Variants in PRAME observed in about 807,000 individuals in gnomAD.
The protein encoded by PRAME is melanoma antigen preferentially expressed in tumors.
A neutral mutation model predicts 32.1 loss-of-function variants in PRAME; 21 were observed. That is an observed-to-expected ratio of 0.65 (90% CI 0.46 to 0.94). PRAME has a LOEUF of 0.94. Among genes scored for constraint, PRAME ranks in the 40% least tolerant of loss-of-function variants. The probability of loss-of-function intolerance (pLI) is 0.00; values close to 1 mark genes in which losing one functional copy is unlikely to be tolerated. For synonymous variants in PRAME, 274 were observed against 251.5 expected (o/e 1.09, Z -0.85); for missense variants, 651 against 622.3 (o/e 1.05, Z -0.49).
At chr22:22,553,765 C>G in intron 3 of PRAME, 1 of 981,446 alleles carries the variant, frequency 1.0e-6, no homozygotes, top group Non-Finnish European at 1.2e-6. Context: ...AATCTTGGAG[C>G]CAGGAAAGAA....
chr22:22,548,673 G>C (rs1458141542), intron 5 of PRAME, 30 bp from the exon 6 acceptor site: 1 of 1,525,598 alleles, frequency 6.6e-7, no homozygotes, highest in East Asian at 2.3e-5. Flanking sequence ...TTAGTGCTGG[G>C]GAATGGTGGT....
rs200748520 is a variant in PRAME, at chr22:22,550,913, G to A, written c.198C>T (p.Ser66=). 15 of 1,613,876 alleles carry A rather than the reference G, an allele frequency of 9.3e-6. No individual in the cohort carries two copies. The East Asian group carries it at 3.3e-4, about 36-fold the overall frequency. ...LFMAAFDGRH[S]QTLKAMVQAW... is the part of the protein sequence containing the mutation. Reference sequence around the variant, plus strand: ...CCTGCACCATTGCCTTCAGGGTCTGGCTGTGTCTCCCGTCAAAGGCTGCCA... The same window carrying A: ...CCTGCACCATTGCCTTCAGGGTCTGACTGTGTCTCCCGTCAAAGGCTGCCA... The change falls in exon 4 of 6, where the codon AGC becomes AGT. Residue 66 remains serine (S), a synonymous_variant. Transcript: ENST00000405655.
intron 5 of PRAME, among the ~76,000 whole-genome samples, 181 bp from the exon 6 acceptor site, chr22:22,548,824 C>A (rs943237362): frequency 6.6e-6 from 1 of 151,736 alleles, no homozygotes; most frequent in African/African-American, 2.4e-5. Flanking sequence ...CCATCATTTG[C>A]TGTGTAAGTG....
intron 1 of PRAME, 30 bp from the exon 2 acceptor site, chr22:22,557,610 G>C (rs953512932): frequency 3.6e-5 from 5 of 140,334 alleles, no homozygotes; most frequent in African/African-American, 8.3e-5. Context: ...CAATGGCTCA[G>C]CTAAGCGCCC....
Position 22,549,820 on chromosome 22 carries a change from G to T in PRAME, c.859C>A (p.Gln287Lys). 1 of 1,613,806 alleles carries T rather than the reference G, an allele frequency of 6.2e-7. No individual in the cohort carries two copies. Among genetic ancestry groups the T allele is most frequent in the Non-Finnish European group, 8.5e-7 (1 of 1,179,940 alleles). ...AGACTGAGGAACTGAGAGGTGAACTGGGCGATATACTGCTCTTCCTTCTCC... is the reference window on the plus strand; with the variant it reads ...AGACTGAGGAACTGAGAGGTGAACTTGGCGATATACTGCTCTTCCTTCTCC... ...SPEKEEQYIA[Q>K]FTSQFLSLQC... The change falls in exon 5 of 6, where the codon CAG (glutamine) becomes AAG (lysine). Residue 287 changes from glutamine to lysine, a missense_variant. Physicochemically the swap from Gln to Lys is moderately conservative, Grantham distance 53. Coordinates refer to ENST00000405655, the MANE Select transcript of PRAME (RefSeq NM_206956.3).
chr22:22,548,382 G>A lies in PRAME; in HGVS notation c.1215C>T (p.Cys405=), dbSNP rs367764376. Residue 405 remains cysteine, a synonymous_variant, in exon 6 of 6, where the codon TGC becomes TGT. Transcript: ENST00000405655. The part of the protein sequence containing the change: ...LLALLPSLSH[C]SQLTTLSFYG... ...AGAAGCTTAAGGTCGTAAGCTGGGA[G>A]CAGTGGCTCAGGGAAGGCAGGAGGG... 2.0e-5 allele frequency: 32 copies of A among 1,613,390 alleles called. No individual in the cohort carries two copies. In the African/African-American group the frequency reaches 2.0e-4, roughly 10 times the overall value.
intron 3 of PRAME, among the ~76,000 whole-genome samples, chr22:22,554,614 G>A (rs1161841628): frequency 6.6e-6 from 1 of 151,928 alleles, no homozygotes; most frequent in Non-Finnish European, 1.5e-5. Flanking sequence ...CCTTCACAGA[G>A]AATCTAAAGT....
At chr22:22,555,397 C>G (rs199860997) in intron 3 of PRAME, among the ~76,000 whole-genome samples, 1 of 151,852 alleles carries the variant, frequency 6.6e-6, no homozygotes, top group Non-Finnish European at 1.5e-5. Context: ...CCCCCACACA[C>G]GGCTATATTT....
Position 22,549,954 on chromosome 22 carries a change from C to A in PRAME, c.725G>T (p.Cys242Phe), listed in dbSNP as rs2062469573. 1.9e-6 allele frequency: 3 copies of A among 1,613,728 alleles called. No individual in the cohort carries two copies. Among genetic ancestry groups the A allele is most frequent in the African/African-American group, 2.7e-5 (2 of 74,848 alleles). Residue 242 changes from cysteine to phenylalanine, a missense_variant, in exon 5 of 6, where the codon TGT (cysteine) becomes TTT (phenylalanine). Cys to Phe is a radical substitution (Grantham distance 205). Transcript: ENST00000405655. Reference protein sequence around the residue: ...LDSIEDLEVTCTWKLPTLAKF... With the variant: ...LDSIEDLEVTFTWKLPTLAKF... Reference sequence around the variant, plus strand: ...CGCCAAGGTGGGTAGCTTCCAGGTACAAGTCACTTCCAAATCTTCAATAGA... The same window carrying A: ...CGCCAAGGTGGGTAGCTTCCAGGTAAAAGTCACTTCCAAATCTTCAATAGA...
In PRAME at chr22:22,554,498, G is replaced by A. The variant is rs149558261; in HGVS notation, c.21+2314C>T. ...GCAATCATCTTCACTCATCAGCTGCGGGAGACTGAGATTAGTAATAAAGGT... is the reference window on the plus strand; with the variant it reads ...GCAATCATCTTCACTCATCAGCTGCAGGAGACTGAGATTAGTAATAAAGGT... On this transcript the variant is annotated intron_variant, in intron 3 of 5. Transcript: ENST00000405655. Among the ~76,000 whole-genome samples the A allele has an allele frequency of 3.2e-3, 487 of 151,894 alleles. 6 individuals are homozygous for A. Among genetic ancestry groups the A allele is most frequent in the African/African-American group, 0.011 (457 of 41,432 alleles).
At chr22:22,556,935 A>T in intron 2 of PRAME, 26 bp from the exon 3 acceptor site, 1 of 1,411,972 alleles carries the variant, frequency 7.1e-7, no homozygotes, top group Non-Finnish European at 1.0e-6. Context: ...AAAATGCTCC[A>T]AAAAGAAGAA....
chr22:22,548,830 A>G (rs1237197656), intron 5 of PRAME, among the ~76,000 whole-genome samples, 187 bp from the exon 6 acceptor site: 4 of 151,840 alleles, frequency 2.6e-5, no homozygotes, highest in Non-Finnish European at 4.4e-5. Context: ...TTTGCTGTGT[A>G]AGTGGGTCAA....
In PRAME at chr22:22,549,931, C is replaced by G; in HGVS notation, c.748G>C (p.Ala250Pro). The change falls in exon 5 of 6, where the codon GCG becomes CCG. Residue 250 changes from alanine (A) to proline (P), a missense_variant. Physicochemically the swap from Ala to Pro is conservative, Grantham distance 27. Coordinates refer to ENST00000405655, the MANE Select transcript of PRAME (RefSeq NM_206956.3). ...VTCTWKLPTL[A>P]KFSPYLGQMI... ...TGGCCCAGGTAAGGAGAAAATTTCG[C>G]CAAGGTGGGTAGCTTCCAGGTACAA... The G allele has an allele frequency of 6.2e-7, 1 of 1,613,790 alleles. No homozygotes were observed. Among genetic ancestry groups the G allele is most frequent in the Non-Finnish European group, 8.5e-7 (1 of 1,179,960 alleles).
intron 3 of PRAME, chr22:22,553,750 T>C (rs2062738535): frequency 2.1e-6 from 2 of 974,492 alleles, no homozygotes; most frequent in East Asian, 1.2e-4. Flanking sequence ...TTGTGGTTTC[T>C]TAGGAATCTT....
chr22:22,550,901 C>T lies in PRAME; in HGVS notation c.210G>A (p.Lys70=). ...AFDGRHSQTL[K]AMVQAWPFTC... ...TGAAGGGCCAGGCCTGCACCATTGC[C>T]TTCAGGGTCTGGCTGTGTCTCCCGT... The change falls in exon 4 of 6, where the codon AAG becomes AAA. Residue 70 remains lysine (K), a synonymous_variant. Transcript: ENST00000405655. 1 of 1,613,900 alleles carries T rather than the reference C, an allele frequency of 6.2e-7. No individual in the cohort carries two copies. The highest frequency in any genetic ancestry group is 2.2e-5 in the East Asian group (1 of 44,788).
chr22:22,548,230 T>G lies in PRAME; in HGVS notation c.1367A>C (p.His456Pro). 6.2e-7 allele frequency: 1 copy of G among 1,613,772 alleles called. No individual in the cohort carries two copies. Among genetic ancestry groups the G allele is most frequent in the Non-Finnish European group, 8.5e-7 (1 of 1,179,960 alleles). ...ATGCAGATAGGCAAGCCTCTCCAGGTGGAGGGTACCATGGATGTCCTCATA... is the reference window on the plus strand; with the variant it reads ...ATGCAGATAGGCAAGCCTCTCCAGGGGGAGGGTACCATGGATGTCCTCATA... ...ESYEDIHGTL[H>P]LERLAYLHAR... is the part of the protein sequence containing the mutation. The change falls in exon 6 of 6, where the codon CAC becomes CCC. Residue 456 changes from histidine to proline, a missense_variant. Transcript: ENST00000405655.
In PRAME at chr22:22,554,765, C is replaced by A. The variant is rs1489201831; in HGVS notation, c.21+2047G>T. Among the ~76,000 whole-genome samples, 49 of 151,940 alleles carry A rather than the reference C, an allele frequency of 3.2e-4. 1 individual carries two copies. Among genetic ancestry groups the A allele is most frequent in the African/African-American group, 1.1e-3 (47 of 41,366 alleles). ...TTCATTTCCCTCCCTATCAAACAATCTAAGTGTTAGAAAGGGCTGATAAGC... is the reference window on the plus strand; with the variant it reads ...TTCATTTCCCTCCCTATCAAACAATATAAGTGTTAGAAAGGGCTGATAAGC... On this transcript the variant is annotated intron_variant, in intron 3 of 5. Transcript: ENST00000405655.
At chr22:22,555,132 C>G (rs1467753824) in intron 3 of PRAME, among the ~76,000 whole-genome samples, 1 of 151,960 alleles carries the variant, frequency 6.6e-6, no homozygotes, top group Non-Finnish European at 1.5e-5. Context: ...TTCTGCATGT[C>G]CTGTCTACTG....
At chr22:22,549,003 ACTTT>A (rs775313776) in intron 5 of PRAME, among the ~76,000 whole-genome samples, 1 of 151,876 alleles carries the variant, frequency 6.6e-6, no homozygotes, top group Non-Finnish European at 1.5e-5. Context: ...AACTGAAAAT[ACTTT>A]CTTTCAACTC....
Sources: gnomAD v4.1 joint callset for allele counts (sites outside exome capture counted in the v4.1 genomes callset) on GRCh38, gnomAD v4.1.1 for gene constraint, MANE v1.5 for transcripts, NCBI Gene and HGNC (gene_info 2026-07-23, HGNC 2026-07-21) for gene names.